CDK8: variants seen among roughly 807,000 people sequenced by gnomAD.
CDK8 encodes the protein cyclin-dependent kinase 8.
CDK8 carries 29 observed loss-of-function variants against 71.5 expected under a neutral mutation model. That is an observed-to-expected ratio of 0.41 (90% CI 0.30 to 0.55). CDK8 has a LOEUF of 0.55. Ranked by LOEUF, CDK8 falls within the 20% of genes least tolerant of loss-of-function variation. The pLI, the probability that CDK8 is intolerant of heterozygous loss-of-function variation, is 0.37. For synonymous variants in CDK8, 161 were observed against 192.1 expected (o/e 0.84, Z 1.34); for missense variants, 288 against 572.6 (o/e 0.50, Z 5.07).
intron 1 of CDK8, among the ~76,000 whole-genome samples, chr13:26,301,212 C>CTTTTTTTTTTTTT: frequency 1.1e-5 from 1 of 92,904 alleles, no homozygotes; most frequent in Non-Finnish European, 2.1e-5. Flanking sequence ...TATCAGTAGA[C>CTTTTTTTTTTTTT]TTTTTTTTTT....
At chr13:26,348,161 T>C (rs923399490) in intron 2 of CDK8, among the ~76,000 whole-genome samples, 16 of 152,168 alleles carry the variant, frequency 1.1e-4, no homozygotes, top group Non-Finnish European at 1.8e-4. Flanking sequence ...CTAAGTGAAA[T>C]AAGCCTGGCA....
chr13:26,278,956 G>A (rs1421547687), intron 1 of CDK8, among the ~76,000 whole-genome samples: 1 of 152,122 alleles, frequency 6.6e-6, no homozygotes, highest in Non-Finnish European at 1.5e-5. Flanking sequence ...ACGATTTAAA[G>A]TATATGAGAT....
chr13:26,397,279 C>T, intron 9 of CDK8, 54 bp downstream of exon 9: 3 of 1,125,530 alleles, frequency 2.7e-6, no homozygotes, highest in Non-Finnish European at 4.0e-6. Context: ...AATTGACTAG[C>T]CCAACTGAGG....
At chr13:26,357,401 A>G (rs967405911) in intron 4 of CDK8, among the ~76,000 whole-genome samples, 3 of 152,212 alleles carry the variant, frequency 2.0e-5, no homozygotes, top group Non-Finnish European at 4.4e-5. Flanking sequence ...GAACATTAAA[A>G]TATGTATATG....
intron 1 of CDK8, among the ~76,000 whole-genome samples, chr13:26,261,888 G>A (rs1871784407): frequency 6.6e-6 from 1 of 152,166 alleles, no homozygotes; most frequent in Admixed American, 6.5e-5. Context: ...CTTTGGTTTA[G>A]GACCAAGTTC....
chr13:26,292,210 C>G (rs1873335326), intron 1 of CDK8, among the ~76,000 whole-genome samples: 1 of 152,018 alleles, frequency 6.6e-6, no homozygotes, highest in Non-Finnish European at 1.5e-5. Context: ...GACATTTTTT[C>G]CAGTCATCCA....
chr13:26,309,320 T>C (rs182203353), intron 1 of CDK8, among the ~76,000 whole-genome samples: 1 of 152,184 alleles, frequency 6.6e-6, no homozygotes, highest in Non-Finnish European at 1.5e-5. Flanking sequence ...TTTATGTTTT[T>C]AGTAGAGACG....
intron 1 of CDK8, among the ~76,000 whole-genome samples, chr13:26,272,058 C>T (rs533260894): frequency 4.6e-5 from 7 of 151,896 alleles, no homozygotes; most frequent in Admixed American, 3.9e-4. Flanking sequence ...CCTTAGCCTC[C>T]TGTAATTGAG....
At chr13:26,267,534 G>C (rs1872076551) in intron 1 of CDK8, among the ~76,000 whole-genome samples, 1 of 152,008 alleles carries the variant, frequency 6.6e-6, no homozygotes, top group African/African-American at 2.4e-5. Flanking sequence ...ATTTACTTTA[G>C]TACTTTATTC....
At chr13:26,269,465 A>G (rs1872190415) in intron 1 of CDK8, among the ~76,000 whole-genome samples, 1 of 152,184 alleles carries the variant, frequency 6.6e-6, no homozygotes, top group African/African-American at 2.4e-5. Context: ...GGCATAAGCT[A>G]AATTCGGAAG....
intron 1 of CDK8, among the ~76,000 whole-genome samples, chr13:26,331,875 G>A (rs1026491429): frequency 6.6e-6 from 1 of 152,130 alleles, no homozygotes; most frequent in African/African-American, 2.4e-5. Flanking sequence ...GACTGGGATT[G>A]TATTGAATCT....
intron 4 of CDK8, among the ~76,000 whole-genome samples, chr13:26,360,231 G>A (rs1234968669): frequency 6.6e-6 from 1 of 152,148 alleles, no homozygotes; most frequent in Non-Finnish European, 1.5e-5. Context: ...CAAAGTAGGA[G>A]GATTGTTTGA....
chr13:26,400,682 TG>T (rs1876214983), intron 10 of CDK8, 132 bp downstream of exon 10: 1 of 651,548 alleles, frequency 1.5e-6, no homozygotes, highest in Admixed American at 2.7e-5. Context: ...CAAGCAAAAA[TG>T]AGCTTTGCTG....
intron 1 of CDK8, among the ~76,000 whole-genome samples, chr13:26,327,344 A>G (rs931076666): frequency 6.6e-5 from 10 of 152,172 alleles, no homozygotes; most frequent in Non-Finnish European, 1.0e-4. Context: ...TTTTTAAGGT[A>G]AAGGAATAAA....
At chr13:26,393,991 C>T (rs1309257059) in intron 7 of CDK8, among the ~76,000 whole-genome samples, 3 of 152,258 alleles carry the variant, frequency 2.0e-5, no homozygotes, top group Non-Finnish European at 4.4e-5. Flanking sequence ...TAAGTCTTCT[C>T]TTAGAACAGT....
At chr13:26,281,445 C>A (rs763675901) in intron 1 of CDK8, among the ~76,000 whole-genome samples, 12 of 152,218 alleles carry the variant, frequency 7.9e-5, no homozygotes, top group Non-Finnish European at 1.8e-4. Context: ...TGCATCACAT[C>A]AAGGGACCAC....
rs1325636180 is a variant in CDK8 at position 26,307,177 on chromosome 13, A to G, written c.129-30390A>G. On this transcript the variant is annotated intron_variant, in intron 1 of 12. Coordinates refer to ENST00000381527, the MANE Select transcript of CDK8 (RefSeq NM_001260.3). ...CCCCACCACCCCCAACCATGTTCTAATCCCTGAAGTTTTTGAATGTGGCAA... is the reference window on the plus strand; with the variant it reads ...CCCCACCACCCCCAACCATGTTCTAGTCCCTGAAGTTTTTGAATGTGGCAA... Among the ~76,000 whole-genome samples the G allele has an allele frequency of 6.6e-5, 10 of 152,142 alleles. 1 individual carries two copies. Among genetic ancestry groups the G allele is most frequent in the African/African-American group, 2.2e-4 (9 of 41,436 alleles).
intron 1 of CDK8, among the ~76,000 whole-genome samples, chr13:26,333,130 T>C (rs1872828730): frequency 6.6e-6 from 1 of 151,876 alleles, no homozygotes; most frequent in Non-Finnish European, 1.5e-5. Context: ...TTCACAATAT[T>C]AATTATATAC....
rs370402493 is a variant in CDK8 at position 26,333,201 on chromosome 13, G to A, written c.129-4366G>A. Among the ~76,000 whole-genome samples the A allele has an allele frequency of 8.5e-4, 129 of 151,562 alleles. 2 individuals are homozygous for A. In the South Asian group the frequency reaches 0.025, roughly 29 times the overall value. On this transcript the variant is annotated intron_variant, in intron 1 of 12. Coordinates refer to ENST00000381527, the MANE Select transcript of CDK8 (RefSeq NM_001260.3). The stretch of plus-strand genomic sequence containing the variant: ...ATCCCCCAGGCTGGAGTGCAATGGC[G>A]CAATCCTGGCTCACTGCAACCTCTA...
Sources: gnomAD v4.1 joint callset for allele counts (sites outside exome capture counted in the v4.1 genomes callset) on GRCh38, gnomAD v4.1.1 for gene constraint, MANE v1.5 for transcripts, NCBI Gene and HGNC (gene_info 2026-07-23, HGNC 2026-07-21) for gene names.